DCAKD: variants seen among roughly 807,000 people sequenced by gnomAD.
DCAKD encodes dephospho-CoA kinase domain-containing protein.
Under a neutral mutation model 18.7 loss-of-function variants are expected in DCAKD, and 15 were observed. The observed-to-expected ratio is 0.80, with a 90% CI of 0.54 to 1.24. The LOEUF (loss-of-function observed/expected upper bound fraction) is 1.24. Among genes scored for constraint, DCAKD ranks in the 50% most tolerant of loss-of-function variants. The pLI is 0.00. For synonymous variants in DCAKD, 130 were observed against 133.0 expected, an observed-to-expected ratio of 0.98 and a Z score of 0.16; for missense variants, 301 against 322.0, an observed-to-expected ratio of 0.93 and a Z score of 0.50.
chr17:45,050,333 C>CG lies in DCAKD; in HGVS notation c.-115+1027dup, dbSNP rs541415071. Among the ~76,000 whole-genome samples the CG allele has an allele frequency of 3.0e-3, 451 of 152,254 alleles. 3 individuals carry two copies. Among genetic ancestry groups the CG allele is most frequent in the African/African-American group, 9.8e-3 (405 of 41,504 alleles). ...CGCTGGGATTACAGGCGTGAGCCAC[C>CG]GTGCCCGGCCCAGAGGGTAATTTTC... On this transcript the variant is annotated intron_variant, in intron 1 of 4. Transcript: ENST00000651974.
At position 45,024,561 on chromosome 17, in the gene DCAKD, T is replaced by C. The variant is rs2053014248; in HGVS notation, c.568A>G (p.Ile190Val). 3.7e-6 allele frequency: 6 copies of C among 1,614,118 alleles called. No individual in the cohort carries two copies. Among genetic ancestry groups the C allele is most frequent in the Non-Finnish European group, 5.1e-6 (6 of 1,179,996 alleles). ...CGCTCCAGCTCAGTGTGCAAGAGGA[T>C]GACCTGGCGTTTGGTGACACTCCAC... ...GEWSVTKRQV[I>V]LLHTELERSL... is the part of the protein sequence containing the mutation. Residue 190 changes from isoleucine (I) to valine (V), a missense_variant, in exon 5 of 5, where the codon ATC (isoleucine) becomes GTC (valine). Ile to Val is a conservative substitution (Grantham distance 29). Coordinates refer to ENST00000651974, the MANE Select transcript of DCAKD (RefSeq NM_001288655.2).
chr17:45,034,613 G>A (rs2053247758), intron 2 of DCAKD, among the ~76,000 whole-genome samples, 161 bp downstream of exon 2: 1 of 152,198 alleles, frequency 6.6e-6, no homozygotes, highest in Non-Finnish European at 1.5e-5. Context: ...ACAGAAAATA[G>A]AAGAGCAGAG....
chr17:45,041,547 T>C (rs764448711), intron 1 of DCAKD, among the ~76,000 whole-genome samples: 4 of 151,818 alleles, frequency 2.6e-5, no homozygotes, highest in Non-Finnish European at 5.9e-5. Flanking sequence ...CCTGACCTCG[T>C]GATCTGCCTG....
At chr17:45,027,934 T>C (rs1212165647) in intron 4 of DCAKD, among the ~76,000 whole-genome samples, 4 of 146,706 alleles carry the variant, frequency 2.7e-5, no homozygotes, top group Non-Finnish European at 6.0e-5. Context: ...TGCAGTGAGC[T>C]GAGATCGCGC....
At chr17:45,032,768 C>T (rs1185613252) in intron 3 of DCAKD, among the ~76,000 whole-genome samples, 6 of 142,352 alleles carry the variant, frequency 4.2e-5, no homozygotes, top group Admixed American at 1.4e-4. Context: ...GGTGACAGAG[C>T]GAGACTCCAT....
intron 1 of DCAKD, among the ~76,000 whole-genome samples, chr17:45,040,119 G>A (rs1376360947): frequency 6.6e-6 from 1 of 150,870 alleles, no homozygotes; most frequent in African/African-American, 2.4e-5. Flanking sequence ...CGGGTGTGGT[G>A]GCTCATGCCT....
At chr17:45,053,681 A>T (rs1446889848), upstream of DCAKD, among the ~76,000 whole-genome samples, 1 of 152,132 alleles carries the variant, frequency 6.6e-6, no homozygotes, top group African/African-American at 2.4e-5. Flanking sequence ...CGGCCTCCCA[A>T]AGTGCTAGGA....
intron 1 of DCAKD, among the ~76,000 whole-genome samples, chr17:45,056,950 G>A (rs1267938648): frequency 6.6e-6 from 1 of 151,486 alleles, no homozygotes; most frequent in Non-Finnish European, 1.5e-5. Context: ...TGTATTTTCA[G>A]TAGAGACAGG....
intron 1 of DCAKD, among the ~76,000 whole-genome samples, chr17:45,046,898 C>T (rs2053583425): frequency 6.6e-6 from 1 of 152,044 alleles, no homozygotes; most frequent in Non-Finnish European, 1.5e-5. Flanking sequence ...GGGTGAAAAT[C>T]CCCTGGGCAC....
chr17:45,034,194 G>A lies in DCAKD; in HGVS notation c.309C>T (p.Phe103=). 6.2e-7 allele frequency: 1 copy of A among 1,613,978 alleles called. No homozygotes were observed. Among genetic ancestry groups the A allele is most frequent in the Non-Finnish European group, 8.5e-7 (1 of 1,179,972 alleles). The part of the protein sequence containing the change: ...KEMMKETFKY[F]LRGYRYVILD... ...CCAGGCCCTGGCACTTACCCCGGAG[G>A]AAGTACTTGAACGTCTCCTTCATCA... is the stretch of plus-strand genomic sequence containing the variant. The change falls in exon 3 of 5, where the codon TTC becomes TTT. Residue 103 remains phenylalanine, a synonymous_variant. Transcript: ENST00000651974.
chr17:45,031,029 C>T (rs530060129), intron 3 of DCAKD: 315 of 985,272 alleles, frequency 3.2e-4, no homozygotes, highest in Non-Finnish European at 3.7e-4. Flanking sequence ...GTGTACAAAG[C>T]TGGGAGGGCT....
chr17:45,026,584 A>G (rs1171960722), intron 4 of DCAKD: 2 of 984,054 alleles, frequency 2.0e-6, no homozygotes, highest in Non-Finnish European at 2.4e-6. Context: ...ACTGGTCTCA[A>G]ACTCCTGGGC....
chr17:45,047,782 C>T (rs1237223080), intron 1 of DCAKD, among the ~76,000 whole-genome samples: 3 of 151,778 alleles, frequency 2.0e-5, no homozygotes, highest in African/African-American at 4.8e-5. Flanking sequence ...GGTTTACAGG[C>T]GTGAGCCACC....
intron 3 of DCAKD, chr17:45,033,742 G>T: frequency 1.0e-5 from 6 of 591,440 alleles, no homozygotes; most frequent in Non-Finnish European, 1.4e-5. Flanking sequence ...TGGGATTACA[G>T]GCATGAGCCA....
intron 4 of DCAKD, chr17:45,026,598 A>C (rs934250156): frequency 2.1e-5 from 21 of 985,168 alleles, no homozygotes; most frequent in Non-Finnish European, 1.6e-5. Flanking sequence ...CCTGGGCTTA[A>C]GTGATCCTCC....
chr17:45,031,158 G>T, intron 3 of DCAKD: 1 of 985,428 alleles, frequency 1.0e-6, no homozygotes, highest in Non-Finnish European at 1.2e-6. Context: ...TCCAAGCACA[G>T]AACCAGACAC....
At chr17:45,051,675 GCAGGCGGGGCCGGGAGAGGTTGGA>G (rs1183456544), upstream of DCAKD, 3 of 147,298 alleles carry the variant, frequency 2.0e-5, no homozygotes, top group Non-Finnish European at 4.5e-5. Flanking sequence ...CGTCCGGCCA[GCAGGCGGGGCCGGGAGAGGTTGGA>G]CGGGCGGGGC....
At chr17:45,054,250 A>ATTTTTTT (rs145150422), upstream of DCAKD, 1 of 411,612 alleles carries the variant, frequency 2.4e-6, no homozygotes, top group African/African-American at 2.1e-5. Flanking sequence ...AGACAGTTTT[A>ATTTTTTT]TTTATTTTTT....
chr17:45,060,952 G>A (rs1469961974), exon 1 of DCAKD: 1 of 942,778 alleles, frequency 1.1e-6, no homozygotes, highest in East Asian at 1.0e-4. Context: ...GCACTGGCAA[G>A]GGCAGGCTGA....
Sources: gnomAD v4.1 joint callset for allele counts (sites outside exome capture counted in the v4.1 genomes callset) on GRCh38, gnomAD v4.1.1 for gene constraint, MANE v1.5 for transcripts, NCBI Gene and HGNC (gene_info 2026-07-23, HGNC 2026-07-21) for gene names.